GABBR2: variants seen among roughly 807,000 people sequenced by gnomAD.
GABBR2 encodes G-protein coupled receptor 51.
A neutral mutation model predicts 105.6 loss-of-function variants in GABBR2; 23 were observed. That is an observed-to-expected ratio of 0.22 (90% confidence interval 0.16 to 0.31). The LOEUF is 0.31. GABBR2 is among the 10% of genes least tolerant of loss of function. GABBR2 has a pLI of 1.00. For synonymous variants in GABBR2, 478 were observed against 499.7 expected (o/e 0.96, Z 0.58); for missense variants, 734 against 1,245.5 (o/e 0.59, Z 6.18).
At chr9:98,587,914 G>A (rs564698448) in intron 1 of GABBR2, among the ~76,000 whole-genome samples, 5 of 152,236 alleles carry the variant, frequency 3.3e-5, no homozygotes, top group South Asian at 2.1e-4. Flanking sequence ...TCTAAAGTAG[G>A]ATGTAATAAT....
At chr9:98,453,746 G>A (rs1253325381) in intron 7 of GABBR2, among the ~76,000 whole-genome samples, 1 of 152,064 alleles carries the variant, frequency 6.6e-6, no homozygotes, top group Non-Finnish European at 1.5e-5. Flanking sequence ...CAAGTACCTG[G>A]CTCTATGCCC....
intron 1 of GABBR2, among the ~76,000 whole-genome samples, chr9:98,598,031 C>T (rs1829263215): frequency 6.6e-6 from 1 of 152,064 alleles, no homozygotes; most frequent in Admixed American, 6.6e-5. Context: ...CCATGTTGCC[C>T]AGGCTGGTCT....
intron 7 of GABBR2, among the ~76,000 whole-genome samples, chr9:98,426,406 G>A (rs896461987): frequency 6.6e-6 from 1 of 152,230 alleles, no homozygotes; most frequent in Admixed American, 6.5e-5. Flanking sequence ...GTATGCACAC[G>A]TGTGTGTTAG....
chr9:98,671,148 C>G lies in GABBR2; in HGVS notation c.321+37269G>C, dbSNP rs540888866. On this transcript the variant is annotated intron_variant, in intron 1 of 18. Transcript: ENST00000259455. ...CATACCTTTAGCAACCACTGCCACC[C>G]CCCCGCCCCACTTCCCGCTCTCTGC... is the stretch of plus-strand genomic sequence containing the variant. Among the ~76,000 whole-genome samples the G allele has an allele frequency of 3.9e-5, 6 of 152,200 alleles. No individual in the cohort carries two copies. The East Asian group carries it at 1.2e-3, about 29-fold the overall frequency.
chr9:98,583,000 A>C (rs947012524), intron 1 of GABBR2, among the ~76,000 whole-genome samples: 1 of 152,162 alleles, frequency 6.6e-6, no homozygotes, highest in Non-Finnish European at 1.5e-5. Context: ...AATAGTCTAG[A>C]GACTCAACCG....
At chr9:98,584,075 A>G (rs1829037526) in intron 1 of GABBR2, among the ~76,000 whole-genome samples, 1 of 152,190 alleles carries the variant, frequency 6.6e-6, no homozygotes, top group Admixed American at 6.5e-5. Flanking sequence ...AGCCACTCTA[A>G]GTGGGGGTCT....
At chr9:98,666,334 C>T (rs551082909) in intron 1 of GABBR2, among the ~76,000 whole-genome samples, 3 of 152,252 alleles carry the variant, frequency 2.0e-5, no homozygotes, top group East Asian at 1.9e-4. Context: ...GGCTAGAGGT[C>T]GGAATGGCTC....
intron 3 of GABBR2, among the ~76,000 whole-genome samples, chr9:98,513,008 C>G (rs947744477): frequency 6.8e-4 from 103 of 151,642 alleles, no homozygotes; most frequent in African/African-American, 2.4e-3. Context: ...TCAAACTATA[C>G]TACAAGGCTA....
intron 1 of GABBR2, among the ~76,000 whole-genome samples, chr9:98,656,409 C>A (rs1830183692): frequency 6.8e-6 from 1 of 146,656 alleles, no homozygotes; most frequent in Non-Finnish European, 1.5e-5. Context: ...CTAATCCCAG[C>A]CTTGTGTTGC....
intron 16 of GABBR2, among the ~76,000 whole-genome samples, chr9:98,300,367 A>G (rs1292940783): frequency 6.6e-6 from 1 of 150,430 alleles, no homozygotes; most frequent in African/African-American, 2.5e-5. Flanking sequence ...CCGGTCTTGA[A>G]CTCCTGGGCT....
chr9:98,608,735 A>C (rs4743239), intron 1 of GABBR2, among the ~76,000 whole-genome samples: 66,426 of 152,048 alleles, frequency 0.44, 14,693 homozygotes, highest in Middle Eastern at 0.56. Flanking sequence ...TTAAATATAT[A>C]TTATTCTCAT....
At chr9:98,436,304 C>CCATAAATATATATATATAT (rs1564068040) in intron 7 of GABBR2, among the ~76,000 whole-genome samples, 85 of 61,390 alleles carry the variant, frequency 1.4e-3, no homozygotes, top group South Asian at 3.5e-3. Context: ...TATATATATA[C>CCATAAATATATATATATAT]CCATAAATAT....
At chr9:98,645,126 G>A (rs897711603) in intron 1 of GABBR2, among the ~76,000 whole-genome samples, 11 of 152,120 alleles carry the variant, frequency 7.2e-5, no homozygotes, top group South Asian at 4.1e-4. Context: ...GGCTTCTGTC[G>A]ACCCTTGTTG....
At chr9:98,464,944 C>T (rs376098566) in intron 6 of GABBR2, among the ~76,000 whole-genome samples, 2 of 151,638 alleles carry the variant, frequency 1.3e-5, no homozygotes, top group African/African-American at 4.8e-5. Context: ...GTCATCACCA[C>T]TCCCTAATCT....
intron 16 of GABBR2, among the ~76,000 whole-genome samples, chr9:98,299,661 T>C (rs1179053519): frequency 6.6e-6 from 1 of 152,184 alleles, no homozygotes; most frequent in Admixed American, 6.5e-5. Flanking sequence ...GCTAAGGCTC[T>C]GGACAGGACT....
intron 1 of GABBR2, among the ~76,000 whole-genome samples, chr9:98,636,367 T>C (rs777648408): frequency 1.3e-5 from 2 of 152,138 alleles, no homozygotes; most frequent in Non-Finnish European, 2.9e-5. Context: ...TGAGCGCACT[T>C]GGGGTGTAGC....
intron 13 of GABBR2, among the ~76,000 whole-genome samples, chr9:98,349,051 T>C (rs915837069): frequency 6.6e-6 from 1 of 152,186 alleles, no homozygotes; most frequent in African/African-American, 2.4e-5. Flanking sequence ...AGTATGATAT[T>C]AGCTGTAGGT....
At position 98,325,283 on chromosome 9, in the gene GABBR2, C is replaced by CTTT. The variant is rs886288539; in HGVS notation, c.1894-14081_1894-14079dup. Among the ~76,000 whole-genome samples the CTTT allele has an allele frequency of 1.3e-3, 91 of 67,656 alleles. 6 individuals carry two copies. The highest frequency in any genetic ancestry group is 2.2e-3 in the East Asian group (4 of 1,828). The allele number at this position is 67,656 out of a possible 152,430, so 44.4% of individuals were successfully genotyped here. On this transcript the variant is annotated intron_variant, in intron 13 of 18. Transcript: ENST00000259455. ...TTCCCTTGGCTCTAGGACAGCAATT[C>CTTT]TTTTTTTTTTTTTTTTTTTTTTTTT...
chr9:98,632,410 T>C (rs1306110728), intron 1 of GABBR2, among the ~76,000 whole-genome samples: 1 of 152,248 alleles, frequency 6.6e-6, no homozygotes, highest in African/African-American at 2.4e-5. Flanking sequence ...TTTTAAAACA[T>C]GGCACCAAAA....
Sources: allele counts gnomAD v4.1 joint callset (sites outside exome capture counted in the v4.1 genomes callset), GRCh38; gene constraint gnomAD v4.1.1; transcripts MANE v1.5; gene names NCBI Gene and HGNC (gene_info 2026-07-23, HGNC 2026-07-21).